Variants in FAM168A observed in about 807,000 individuals in gnomAD.
FAM168A encodes protein FAM168A.
Under a neutral mutation model 28.5 loss-of-function variants are expected in FAM168A, and 3 were observed. The ratio of observed to expected loss-of-function variants is 0.11; its 90% CI spans 0.05 to 0.27. The LOEUF is 0.27. FAM168A is among the 10% of genes least tolerant of loss of function. The pLI is 1.00. For missense variants in FAM168A, 222 were observed against 311.5 expected (o/e 0.71, Z 2.16); for synonymous variants, 122 against 124.2 (o/e 0.98, Z 0.12).
At chr11:73,553,054 T>C (rs1943847471) in intron 1 of FAM168A, among the ~76,000 whole-genome samples, 1 of 152,166 alleles carries the variant, frequency 6.6e-6, no homozygotes, top group Admixed American at 6.5e-5. Context: ...TAATATATTG[T>C]TTTATAAATT....
At chr11:73,590,812 TAA>T (rs1944372096) in intron 1 of FAM168A, among the ~76,000 whole-genome samples, 1 of 152,174 alleles carries the variant, frequency 6.6e-6, no homozygotes, top group Non-Finnish European at 1.5e-5. Flanking sequence ...CGGGTGATTC[TAA>T]AGAGTAGCCA....
At chr11:73,430,914 A>G in intron 2 of FAM168A, 144 bp from the exon 3 acceptor site, 1 of 586,098 alleles carries the variant, frequency 1.7e-6, no homozygotes, top group Non-Finnish European at 2.9e-6. Context: ...GCTATTCCAG[A>G]TAGTATATGT....
intron 1 of FAM168A, among the ~76,000 whole-genome samples, chr11:73,585,849 C>CA: frequency 1.3e-5 from 1 of 79,822 alleles, no homozygotes; most frequent in South Asian, 4.3e-4. Context: ...CCCTGGGTGA[C>CA]AAAGTAAGAC....
rs1213618027 is a variant in FAM168A at position 73,517,856 on chromosome 11, T to C, written c.-18-49364A>G. Among the ~76,000 whole-genome samples, 5 of 152,312 alleles carry C rather than the reference T, an allele frequency of 3.3e-5. No individual in the cohort carries two copies. In the East Asian group the frequency reaches 9.6e-4, roughly 29 times the overall value. ...AAGGGTCAATTACAGAAGCAGAAGA[T>C]TTGAAACCAGTCCTTTCAGCGTTAT... On this transcript the variant is annotated intron_variant, in intron 1 of 7. Transcript: ENST00000356467.
chr11:73,504,577 T>C (rs77998328), intron 1 of FAM168A, among the ~76,000 whole-genome samples: 5,963 of 152,274 alleles, frequency 0.039, 403 homozygotes, highest in African/African-American at 0.14. Flanking sequence ...AGTTCAACCA[T>C]CGTAGAAGAC....
At chr11:73,538,864 C>T (rs1427943720) in intron 1 of FAM168A, among the ~76,000 whole-genome samples, 1 of 152,168 alleles carries the variant, frequency 6.6e-6, no homozygotes, top group African/African-American at 2.4e-5. Flanking sequence ...GCTCTAGCCA[C>T]ATTCATCTAG....
chr11:73,491,347 T>C (rs952624705), intron 1 of FAM168A, among the ~76,000 whole-genome samples: 2 of 152,172 alleles, frequency 1.3e-5, no homozygotes, highest in Non-Finnish European at 2.9e-5. Flanking sequence ...GTCTGCATAA[T>C]ACTAACAACC....
rs1391873190 is a variant in FAM168A, at chr11:73,409,640, C to G, written c.442G>C (p.Val148Leu). 6.2e-7 allele frequency: 1 copy of G among 1,610,290 alleles called. No individual in the cohort carries two copies. Among genetic ancestry groups the G allele is most frequent in the Admixed American group, 1.7e-5 (1 of 59,334 alleles). The change falls in exon 6 of 8, where the codon GTG becomes CTG. Residue 148 changes from valine (V) to leucine (L), a missense_variant. This residue lies in a region of FAM168A where 153 missense variants were observed against 189.2 expected (regional missense o/e 0.81). Transcript: ENST00000356467. ...YAQGAYYTQP[V>L]YAAQPHVIHH... is the part of the protein sequence containing the mutation. Reference sequence around the variant, plus strand: ...ATGACATGAGGCTGGGCAGCATACACCGGCTGTGTGTAGTAGGCTCCCTGG... The same window carrying G: ...ATGACATGAGGCTGGGCAGCATACAGCGGCTGTGTGTAGTAGGCTCCCTGG...
chr11:73,413,709 A>G (rs1293919345), intron 4 of FAM168A, among the ~76,000 whole-genome samples: 1 of 152,236 alleles, frequency 6.6e-6, no homozygotes, highest in African/African-American at 2.4e-5. Context: ...ATAGTCCCAT[A>G]TGTAAAATAG....
intron 1 of FAM168A, among the ~76,000 whole-genome samples, chr11:73,592,573 A>G (rs1398333589): frequency 6.6e-6 from 1 of 152,120 alleles, no homozygotes; most frequent in Non-Finnish European, 1.5e-5. Context: ...TGAGTTTTAC[A>G]TTCTTAAAAC....
At chr11:73,448,927 CTGTTT>C (rs1192441974) in intron 2 of FAM168A, among the ~76,000 whole-genome samples, 2 of 152,002 alleles carry the variant, frequency 1.3e-5, no homozygotes, top group Admixed American at 1.3e-4. Context: ...ATTTAAGCTC[CTGTTT>C]TGTTTTGTTT....
intron 1 of FAM168A, among the ~76,000 whole-genome samples, chr11:73,552,658 GAATA>G (rs1565295414): frequency 6.6e-6 from 1 of 152,104 alleles, no homozygotes; most frequent in African/African-American, 2.4e-5. Context: ...TTGACCAGTT[GAATA>G]AATAATGGAT....
chr11:73,527,340 A>G (rs1309056574), intron 1 of FAM168A, among the ~76,000 whole-genome samples: 1 of 152,172 alleles, frequency 6.6e-6, no homozygotes, highest in Non-Finnish European at 1.5e-5. Flanking sequence ...TTAATCAATG[A>G]GTATGTATTA....
intron 1 of FAM168A, among the ~76,000 whole-genome samples, chr11:73,595,563 C>G (rs997159647): frequency 6.6e-6 from 1 of 152,122 alleles, no homozygotes; most frequent in East Asian, 1.9e-4. Context: ...CATATTATCA[C>G]AGTTAATGCA....
chr11:73,480,919 C>CA (rs1867959608), intron 1 of FAM168A, among the ~76,000 whole-genome samples: 2 of 152,202 alleles, frequency 1.3e-5, no homozygotes, highest in Non-Finnish European at 2.9e-5. Flanking sequence ...TCACACTCTA[C>CA]AATACAGCAG....
At chr11:73,466,245 T>C (rs184397695) in intron 2 of FAM168A, among the ~76,000 whole-genome samples, 9 of 152,306 alleles carry the variant, frequency 5.9e-5, no homozygotes, top group Non-Finnish European at 8.8e-5. Context: ...AAAGGGAAGC[T>C]TTCCTAGCCC....
At chr11:73,501,878 G>T (rs1407730829) in intron 1 of FAM168A, among the ~76,000 whole-genome samples, 2 of 152,146 alleles carry the variant, frequency 1.3e-5, no homozygotes, top group Non-Finnish European at 2.9e-5. Context: ...AAGGCGGGCA[G>T]ATCACAAGGT....
intron 1 of FAM168A, among the ~76,000 whole-genome samples, chr11:73,588,342 T>C (rs1039737189): frequency 6.6e-6 from 1 of 152,152 alleles, no homozygotes; most frequent in African/African-American, 2.4e-5. Flanking sequence ...ATTTGTCTGA[T>C]GAGATGAGTG....
chr11:73,547,136 G>A (rs1036147442), intron 1 of FAM168A, among the ~76,000 whole-genome samples: 43 of 148,528 alleles, frequency 2.9e-4, no homozygotes, highest in Non-Finnish European at 5.6e-4. Flanking sequence ...GAAAGAAAAA[G>A]GAGGAGGAGT....
Sources: allele counts gnomAD v4.1 joint callset (sites outside exome capture counted in the v4.1 genomes callset), GRCh38; gene constraint gnomAD v4.1.1; regional missense constraint gnomAD v4.1.1; transcripts MANE v1.5; gene names NCBI Gene and HGNC (gene_info 2026-07-23, HGNC 2026-07-21).